WIPF1: variants seen among roughly 807,000 people sequenced by gnomAD.
WIPF1 encodes WAS/WASL-interacting protein family member 1.
WIPF1 carries 13 observed loss-of-function variants against 35.4 expected under a neutral mutation model. The observed-to-expected ratio is 0.37, with a 90% CI of 0.24 to 0.58. WIPF1 has a LOEUF of 0.58. Among genes scored for constraint, WIPF1 ranks in the 20% least tolerant of loss-of-function variants. The pLI, the probability that WIPF1 is intolerant of heterozygous loss-of-function variation, is 0.74. For missense variants in WIPF1, 591 were observed against 667.0 expected (o/e 0.89, Z 1.25); for synonymous variants, 267 against 266.3 (o/e 1.00, Z -0.02).
chr2:174,593,454 G>A (rs184189483), intron 1 of WIPF1, among the ~76,000 whole-genome samples: 2 of 152,226 alleles, frequency 1.3e-5, no homozygotes. Flanking sequence ...TAAAATCATC[G>A]AGCAAACTCA....
chr2:174,621,621 CA>C (rs1438015457), intron 1 of WIPF1, among the ~76,000 whole-genome samples: 1 of 151,986 alleles, frequency 6.6e-6, no homozygotes, highest in Non-Finnish European at 1.5e-5. Flanking sequence ...CTAATAGCCA[CA>C]TTAAAAAAGT....
chr2:174,617,344 A>C (rs1440980763), intron 1 of WIPF1, among the ~76,000 whole-genome samples: 1 of 152,218 alleles, frequency 6.6e-6, no homozygotes, highest in African/African-American at 2.4e-5. Context: ...CTTTGTGTTC[A>C]ATGTTTCCAG....
intron 1 of WIPF1, among the ~76,000 whole-genome samples, chr2:174,658,752 G>A (rs192029094): frequency 6.2e-4 from 93 of 149,198 alleles, no homozygotes; most frequent in African/African-American, 2.3e-3. Context: ...GTCTGGTGGA[G>A]CCCCCCACAG....
intron 1 of WIPF1, among the ~76,000 whole-genome samples, chr2:174,682,210 C>T (rs1688263376): frequency 6.6e-6 from 1 of 152,216 alleles, no homozygotes; most frequent in African/African-American, 2.4e-5. Flanking sequence ...CTAACGCGCG[C>T]GTCTACGCCG....
chr2:174,628,739 G>T (rs1188975710), intron 1 of WIPF1, among the ~76,000 whole-genome samples: 2 of 152,152 alleles, frequency 1.3e-5, no homozygotes, highest in African/African-American at 2.4e-5. Flanking sequence ...TGTAGCCAGG[G>T]GCCTTGTTCT....
chr2:174,579,742 A>G (rs1685175944), intron 3 of WIPF1, among the ~76,000 whole-genome samples: 1 of 152,214 alleles, frequency 6.6e-6, no homozygotes, highest in Non-Finnish European at 1.5e-5. Flanking sequence ...GCCTCCTTCA[A>G]CAGAGCCCTA....
intron 1 of WIPF1, among the ~76,000 whole-genome samples, chr2:174,611,339 G>A (rs1332271494): frequency 3.3e-5 from 5 of 152,086 alleles, no homozygotes; most frequent in African/African-American, 9.7e-5. Flanking sequence ...GGGGTTAGTC[G>A]TTTCAATCCA....
chr2:174,567,987 C>T lies in WIPF1; in HGVS notation c.1216G>A (p.Gly406Arg). ...GGTCCACTCCTGGGACTGTCTACTC[C>T]ACTCCTGGATGGCAACTGAGGGGTA... ...PATPQLPSRS[G>R]VDSPRSGPRP... is the part of the protein sequence containing the mutation. Residue 406 changes from glycine to arginine, a missense_variant, in exon 6 of 8, where the codon GGA (glycine) becomes AGA (arginine). Physicochemically the swap from Gly to Arg is moderately radical, Grantham distance 125. Transcript: ENST00000679041. The T allele has an allele frequency of 1.9e-6, 3 of 1,614,058 alleles. No individual in the cohort carries two copies. Among genetic ancestry groups the T allele is most frequent in the Non-Finnish European group, 2.5e-6 (3 of 1,180,024 alleles).
intron 1 of WIPF1, among the ~76,000 whole-genome samples, chr2:174,648,041 C>T (rs965626745): frequency 2.0e-5 from 3 of 152,140 alleles, no homozygotes; most frequent in African/African-American, 4.8e-5. Flanking sequence ...CAAATCCAAC[C>T]GTGTGTTAGT....
At chr2:174,675,008 T>C (rs1688098852) in intron 1 of WIPF1, among the ~76,000 whole-genome samples, 1 of 151,622 alleles carries the variant, frequency 6.6e-6, no homozygotes, top group South Asian at 2.1e-4. Context: ...AACAGTTAAA[T>C]TGTGGAATAT....
chr2:174,608,382 T>A (rs376394511), intron 1 of WIPF1, among the ~76,000 whole-genome samples: 13 of 152,192 alleles, frequency 8.5e-5, no homozygotes, highest in African/African-American at 3.1e-4. Context: ...GGCAGTTTTG[T>A]GCTCAGCAAA....
At chr2:174,597,108 GGTTTA>G (rs1299585248) in intron 1 of WIPF1, among the ~76,000 whole-genome samples, 1 of 152,186 alleles carries the variant, frequency 6.6e-6, no homozygotes, top group Non-Finnish European at 1.5e-5. Flanking sequence ...GCTTAGAAAT[GGTTTA>G]GTTTGAGTTT....
chr2:174,660,705 G>A (rs2105973754), intron 1 of WIPF1, among the ~76,000 whole-genome samples: 1 of 152,264 alleles, frequency 6.6e-6, no homozygotes, highest in Middle Eastern at 3.4e-3. Context: ...AGGGTGGACT[G>A]GATCAGACCG....
At chr2:174,620,723 G>A (rs1161890194) in intron 1 of WIPF1, among the ~76,000 whole-genome samples, 3 of 152,212 alleles carry the variant, frequency 2.0e-5, no homozygotes, top group Non-Finnish European at 4.4e-5. Flanking sequence ...GGACATGTGA[G>A]CAAATCATCA....
At chr2:174,641,854 T>C (rs1687300739) in intron 1 of WIPF1, among the ~76,000 whole-genome samples, 1 of 152,262 alleles carries the variant, frequency 6.6e-6, no homozygotes, top group Non-Finnish European at 1.5e-5. Flanking sequence ...ATTCTCATTA[T>C]AATCCTGTGA....
intron 1 of WIPF1, among the ~76,000 whole-genome samples, chr2:174,643,838 T>C (rs1340223750): frequency 2.6e-5 from 4 of 152,244 alleles, no homozygotes; most frequent in African/African-American, 9.6e-5. Context: ...AGTATTTTTT[T>C]TACATTCAAT....
intron 1 of WIPF1, among the ~76,000 whole-genome samples, chr2:174,653,458 G>T (rs748667075): frequency 6.6e-6 from 1 of 152,026 alleles, no homozygotes; most frequent in Non-Finnish European, 1.5e-5. Context: ...AGTTCAGGCC[G>T]GGTGCGGTGG....
At chr2:174,670,416 T>C (rs977433695) in intron 1 of WIPF1, among the ~76,000 whole-genome samples, 2 of 152,208 alleles carry the variant, frequency 1.3e-5, no homozygotes, top group African/African-American at 4.8e-5. Flanking sequence ...AGAAAGCCCT[T>C]GTCACAACCC....
At chr2:174,670,861 C>T (rs528732556) in intron 1 of WIPF1, among the ~76,000 whole-genome samples, 107 of 147,262 alleles carry the variant, frequency 7.3e-4, no homozygotes, top group African/African-American at 2.5e-3. Context: ...CTTACAGTCA[C>T]CTGGTTAGGC....
Sources: gnomAD v4.1 joint callset for allele counts (sites outside exome capture counted in the v4.1 genomes callset) on GRCh38, gnomAD v4.1.1 for gene constraint, MANE v1.5 for transcripts, NCBI Gene and HGNC (gene_info 2026-07-23, HGNC 2026-07-21) for gene names.